The following C5 variants were observed in gnomAD, a reference collection of about 807,000 sequenced individuals.
C5 encodes the protein C3 and PZP-like alpha-2-macroglobulin domain-containing protein 4.
A neutral mutation model predicts 218.8 loss-of-function variants in C5; 140 were observed. The observed-to-expected ratio is 0.64, with a 90% CI of 0.56 to 0.74. The LOEUF (loss-of-function observed/expected upper bound fraction) is 0.74. C5 is among the 30% of genes least tolerant of loss of function. The probability of loss-of-function intolerance (pLI) is 0.00; values close to 1 mark genes in which losing one functional copy is unlikely to be tolerated. For synonymous variants in C5, 614 were observed against 682.3 expected, an observed-to-expected ratio of 0.90 and a Z score of 1.56; for missense variants, 1,700 against 1,969.6, an observed-to-expected ratio of 0.86 and a Z score of 2.59.
In C5 at chr9:120,991,206, T is replaced by A. The variant is rs770696995; in HGVS notation, c.2926A>T (p.Ile976Phe). ...GTTAATTTACCTTTTACACTCAAAA[T>A]CCTTTTGATTTCTGTTTTGGGGACC... ...DLVPKTEIKR[I>F]LSVKGLLVGE... The change falls in exon 23 of 41, where the codon ATT becomes TTT. Residue 976 changes from isoleucine to phenylalanine, a missense_variant. Ile to Phe is a conservative substitution (Grantham distance 21). Transcript: ENST00000223642. 1 of 1,599,498 alleles carries A rather than the reference T, an allele frequency of 6.3e-7. No homozygotes were observed.
At chr9:121,002,238 GTATATGTA>G (rs1306045814) in intron 20 of C5, among the ~76,000 whole-genome samples, 10,213 of 58,336 alleles carry the variant, frequency 0.18, 1,004 homozygotes, top group East Asian at 0.42. Flanking sequence ...ATGTATATAT[GTATATGTA>G]TATATATGTA....
chr9:121,047,181 T>C (rs1033599054), intron 1 of C5, among the ~76,000 whole-genome samples: 1 of 152,200 alleles, frequency 6.6e-6, no homozygotes, highest in African/African-American at 2.4e-5. Context: ...GTACTATCAT[T>C]ATTCGTACTT....
At chr9:121,018,900 A>G (rs2047340189) in intron 12 of C5, among the ~76,000 whole-genome samples, 1 of 152,164 alleles carries the variant, frequency 6.6e-6, no homozygotes, top group African/African-American at 2.4e-5. Context: ...GAGGAATATT[A>G]TTCTCCTCAT....
chr9:121,068,353 A>C, the C5 span, among the ~76,000 whole-genome samples: 6 of 152,192 alleles, frequency 3.9e-5, no homozygotes, highest in African/African-American at 1.4e-4. Flanking sequence ...ATGAGCTAAA[A>C]AAGAAATCAA....
Position 120,981,939 on chromosome 9 carries a change from C to T in C5, c.3391G>A (p.Gly1131Ser), listed in dbSNP as rs769572338. The stretch of plus-strand genomic sequence containing the variant: ...TCTCGGGCTTCAACAGGCAAGGTAC[C>T]CTAAAAAGAAGCAATGTTTTAAAAG... The part of the protein sequence containing the change: ...NSQYQPIKLQ[G>S]TLPVEARENS... Residue 1131 changes from glycine to serine, a missense_variant and splice_region_variant, in exon 27 of 41, where the codon GGT becomes AGT. Physicochemically the swap from Gly to Ser is moderately conservative, Grantham distance 56. Transcript: ENST00000223642. The T allele has an allele frequency of 6.2e-7, 1 of 1,608,424 alleles. No individual in the cohort carries two copies. Among genetic ancestry groups the T allele is most frequent in the Non-Finnish European group, 8.5e-7 (1 of 1,175,090 alleles).
chr9:120,955,277 C>T (rs1232815578), intron 39 of C5, among the ~76,000 whole-genome samples: 1 of 152,066 alleles, frequency 6.6e-6, no homozygotes, highest in Non-Finnish European at 1.5e-5. Flanking sequence ...TGTTTCTTAA[C>T]ATTTCCTTTT....
chr9:120,957,707 G>A (rs2046796616), intron 38 of C5, among the ~76,000 whole-genome samples: 2 of 152,330 alleles, frequency 1.3e-5, no homozygotes, highest in South Asian at 4.1e-4. Flanking sequence ...CATGCCCATG[G>A]GCATCTTTTG....
chr9:120,990,733 ATTAT>A (rs1484383211), intron 23 of C5, among the ~76,000 whole-genome samples: 2 of 152,168 alleles, frequency 1.3e-5, no homozygotes, highest in African/African-American at 4.8e-5. Context: ...ATAAATTTGT[ATTAT>A]TTATAAATTT....
In C5 at chr9:121,034,586, T is replaced by C. The variant is rs574535685; in HGVS notation, c.584+217A>G. 6.0e-4 allele frequency among the ~76,000 whole-genome samples: 91 copies of C among 152,374 alleles called. No homozygotes were observed. In the South Asian group the frequency reaches 0.012, roughly 21 times the overall value. On this transcript the variant is annotated intron_variant, in intron 5 of 40. Transcript: ENST00000223642. ...AAACCTGGGTACTATTTTTTCCTCT[T>C]CCCAATTTTTATTTCTATATGTAAA...
At chr9:120,980,721 G>C (rs2046986513) in intron 27 of C5, among the ~76,000 whole-genome samples, 1 of 152,024 alleles carries the variant, frequency 6.6e-6, no homozygotes, top group Non-Finnish European at 1.5e-5. Flanking sequence ...CTCCGGAGTA[G>C]CTGGGACTAC....
chr9:120,966,507 A>G (rs571893652), intron 33 of C5, among the ~76,000 whole-genome samples: 1 of 152,340 alleles, frequency 6.6e-6, no homozygotes, highest in Non-Finnish European at 1.5e-5. Context: ...CCTATCAGAG[A>G]GCTCTTCTTT....
chr9:121,016,421 T>C (rs760357022), intron 14 of C5, 38 bp from the exon 15 acceptor site: 2 of 1,612,388 alleles, frequency 1.2e-6, no homozygotes, highest in Non-Finnish European at 1.7e-6. Context: ...CATTGAGATG[T>C]ATAAATCATT....
intron 20 of C5, among the ~76,000 whole-genome samples, chr9:121,002,896 C>T (rs1396165747): frequency 2.0e-5 from 3 of 152,152 alleles, no homozygotes; most frequent in Non-Finnish European, 4.4e-5. Flanking sequence ...GGCAATTCCA[C>T]AGGGCTGAAG....
At chr9:121,060,165 A>T in the C5 span, among the ~76,000 whole-genome samples, 1 of 152,194 alleles carries the variant, frequency 6.6e-6, no homozygotes, top group Non-Finnish European at 1.5e-5. Context: ...CAATGCTTAT[A>T]ATTAGCAAGT....
Position 120,952,639 on chromosome 9 carries a change from G to T in C5, c.*100C>A. On this transcript the variant is annotated 3_prime_UTR_variant, in exon 41 of 41. Coordinates refer to ENST00000223642, the MANE Select transcript of C5 (RefSeq NM_001735.3). ...TAAGTAAAGTGAGCTTTACAAATAA[G>T]ACCAGCTATGAATGTTTAAAAAAAG... 1 of 1,185,772 alleles carries T rather than the reference G, an allele frequency of 8.4e-7. No individual in the cohort carries two copies. Among genetic ancestry groups the T allele is most frequent in the Non-Finnish European group, 1.2e-6 (1 of 813,718 alleles). The allele number at this position is 1,185,772 out of a possible 1,614,324, so 73.5% of individuals were successfully genotyped here.
intron 31 of C5, among the ~76,000 whole-genome samples, chr9:120,971,462 C>T (rs1400534613): frequency 2.0e-5 from 3 of 151,914 alleles, no homozygotes; most frequent in Admixed American, 6.6e-5. Context: ...GTGTGTGAGA[C>T]GGAGTCTTGC....
chr9:121,073,241 C>T, the C5 span, among the ~76,000 whole-genome samples: 1 of 152,228 alleles, frequency 6.6e-6, no homozygotes, highest in South Asian at 2.1e-4. Flanking sequence ...GTTCCAGCCA[C>T]ACTGAATTAC....
At position 121,036,156 on chromosome 9, in the gene C5, C is replaced by T. The variant is rs566622218; in HGVS notation, c.493-1262G>A. Among the ~76,000 whole-genome samples, 11 of 152,248 alleles carry T rather than the reference C, an allele frequency of 7.2e-5. No individual in the cohort carries two copies. The East Asian group carries it at 1.3e-3, about 19-fold the overall frequency. On this transcript the variant is annotated intron_variant, in intron 4 of 40. Transcript: ENST00000223642. ...CAGTTGGATTTTAGAGGTTTTATTT[C>T]GTAATTAATTGTAAAACTTACAGAA...
At chr9:120,954,703 TGG>T (rs897634206) in intron 39 of C5, among the ~76,000 whole-genome samples, 2 of 152,280 alleles carry the variant, frequency 1.3e-5, no homozygotes, top group Non-Finnish European at 2.9e-5. Flanking sequence ...TATTAAGTTC[TGG>T]CAGAGTCATC....
Sources: gnomAD v4.1 joint callset for allele counts (sites outside exome capture counted in the v4.1 genomes callset) on GRCh38, gnomAD v4.1.1 for gene constraint, MANE v1.5 for transcripts, NCBI Gene and HGNC (gene_info 2026-07-23, HGNC 2026-07-21) for gene names.